Variants in PCLO observed in about 807,000 individuals in gnomAD.
The protein encoded by PCLO is piccolo presynaptic cytomatrix protein.
Under a neutral mutation model 427.5 loss-of-function variants are expected in PCLO, and 82 were observed. The ratio of observed to expected loss-of-function variants is 0.19; its 90% CI spans 0.16 to 0.23. The LOEUF is 0.23. Ranked by LOEUF, PCLO falls within the 10% of genes least tolerant of loss-of-function variation. The probability of loss-of-function intolerance (pLI) is 1.00; values close to 1 mark genes in which losing one functional copy is unlikely to be tolerated. For missense variants in PCLO, 6,239 were observed against 6,115.9 expected (o/e 1.02, Z -0.67); for synonymous variants, 2,357 against 2,155.4 (o/e 1.09, Z -2.59).
chr7:83,029,910 A>G (rs1214286599), intron 3 of PCLO, among the ~76,000 whole-genome samples: 4 of 145,962 alleles, frequency 2.7e-5, no homozygotes, highest in East Asian at 4.1e-4. Flanking sequence ...GAATTGAACA[A>G]TGAGATCACA....
chr7:83,095,612 T>C (rs1790514396), intron 3 of PCLO, among the ~76,000 whole-genome samples: 1 of 151,948 alleles, frequency 6.6e-6, no homozygotes, highest in African/African-American at 2.4e-5. Flanking sequence ...CTCCACAAAT[T>C]TTTATATGTT....
intron 16 of PCLO, among the ~76,000 whole-genome samples, chr7:82,831,093 T>C (rs190136720): frequency 3.3e-5 from 5 of 152,228 alleles, no homozygotes; most frequent in African/African-American, 1.2e-4. Context: ...TCCTTTTTCC[T>C]CTGGTAAAGT....
chr7:83,146,618 C>CA (rs1477894388), intron 2 of PCLO, among the ~76,000 whole-genome samples: 1 of 144,622 alleles, frequency 6.9e-6, no homozygotes, highest in Non-Finnish European at 1.5e-5. Flanking sequence ...TTTTTTGAGA[C>CA]AGAGTTTCAC....
chr7:82,810,901 ACTT>A (rs1454901792), intron 20 of PCLO, among the ~76,000 whole-genome samples: 2 of 151,638 alleles, frequency 1.3e-5, no homozygotes, highest in Non-Finnish European at 3.0e-5. Context: ...CACTTTTACT[ACTT>A]TTATATCACA....
rs570706595 is a variant in PCLO at position 83,158,405 on chromosome 7, ACAGCACATG to A, written c.249-2022_249-2014del. On this transcript the variant is annotated intron_variant, in intron 1 of 24. Coordinates refer to ENST00000333891, the MANE Select transcript of PCLO (RefSeq NM_033026.6). ...TTAATATATTGTACCATTCCCTTGA[ACAGCACATG>A]CTTAGGGCTGATTACAGGTATGGCA... is the stretch of plus-strand genomic sequence containing the variant. 2.7e-3 allele frequency among the ~76,000 whole-genome samples: 408 copies of A among 152,048 alleles called. 1 individual carries two copies. The highest frequency in any genetic ancestry group is 8.7e-3 in the South Asian group (42 of 4,824).
intron 6 of PCLO, among the ~76,000 whole-genome samples, chr7:82,936,868 T>C (rs1190150444): frequency 1.3e-5 from 2 of 151,616 alleles, no homozygotes; most frequent in East Asian, 3.9e-4. Context: ...ACATAGAAAA[T>C]GTTATTTGAA....
At chr7:83,095,098 T>G (rs1332535678) in intron 3 of PCLO, among the ~76,000 whole-genome samples, 1 of 152,132 alleles carries the variant, frequency 6.6e-6, no homozygotes, top group Admixed American at 6.5e-5. Context: ...GACCTGGAAT[T>G]TTTTTGTGGG....
At chr7:82,942,818 A>G (rs953828338) in intron 6 of PCLO, among the ~76,000 whole-genome samples, 6 of 152,236 alleles carry the variant, frequency 3.9e-5, no homozygotes, top group African/African-American at 1.2e-4. Context: ...TAAGAGCTAT[A>G]GAAAGATGAG....
At chr7:82,766,981 G>T (rs2129467732) in intron 22 of PCLO, among the ~76,000 whole-genome samples, 1 of 152,284 alleles carries the variant, frequency 6.6e-6, no homozygotes, top group Non-Finnish European at 1.5e-5. Context: ...TGCGTTAATT[G>T]TGGGTCCATT....
chr7:82,805,824 G>T lies in PCLO; in HGVS notation c.14797C>A (p.Pro4933Thr). Reference sequence around the variant, plus strand: ...CTTTCTGCAGGCCGGTGATTGGGAGGCTTTGCTGCATGGTGTGGGAAGATT... The same window carrying T: ...CTTTCTGCAGGCCGGTGATTGGGAGTCTTTGCTGCATGGTGTGGGAAGATT... Reference protein sequence around the residue: ...VQQLRIQPTKPPNHRPAESSV... With the variant: ...VQQLRIQPTKTPNHRPAESSV... The change falls in exon 21 of 25, where the codon CCT becomes ACT. Residue 4933 changes from proline (P) to threonine (T), a missense_variant. Physicochemically the swap from Pro to Thr is conservative, Grantham distance 38 (BLOSUM62 -1). This residue lies in a region of PCLO where 877 missense variants were observed against 925.5 expected (regional missense o/e 0.95). Transcript: ENST00000333891. 6.2e-7 allele frequency: 1 copy of T among 1,600,362 alleles called. No individual in the cohort carries two copies. The highest frequency in any genetic ancestry group is 1.3e-5 in the African/African-American group (1 of 74,772).
chr7:82,829,623 G>C (rs757157696), intron 16 of PCLO, among the ~76,000 whole-genome samples: 2 of 152,004 alleles, frequency 1.3e-5, no homozygotes, highest in Non-Finnish European at 2.9e-5. Flanking sequence ...TAAAGAAAGA[G>C]GAGCTCTCAT....
At chr7:82,878,280 C>T (rs1793422509) in intron 10 of PCLO, among the ~76,000 whole-genome samples, 1 of 151,958 alleles carries the variant, frequency 6.6e-6, no homozygotes, top group Admixed American at 6.6e-5. Flanking sequence ...ATCAAAATGT[C>T]CAGGGACATT....
intron 3 of PCLO, among the ~76,000 whole-genome samples, chr7:83,100,093 C>T (rs17157155): frequency 0.46 from 69,816 of 151,896 alleles, 16,448 homozygotes; most frequent in East Asian, 0.71. Context: ...ACCTATCTAT[C>T]CAAAAACTGT....
chr7:82,910,963 C>T (rs571826557), intron 7 of PCLO, among the ~76,000 whole-genome samples: 1 of 152,182 alleles, frequency 6.6e-6, no homozygotes, highest in South Asian at 2.1e-4. Context: ...GAAAATAGAA[C>T]AATAATTTAT....
chr7:82,986,972 C>T (rs1583874285), intron 3 of PCLO, among the ~76,000 whole-genome samples: 2 of 151,836 alleles, frequency 1.3e-5, no homozygotes, highest in South Asian at 2.1e-4. Context: ...TTCTTACAAT[C>T]TCTATTAAAC....
At chr7:82,961,100 A>C (rs1795646653) in intron 4 of PCLO, among the ~76,000 whole-genome samples, 1 of 152,204 alleles carries the variant, frequency 6.6e-6, no homozygotes, top group South Asian at 2.1e-4. Flanking sequence ...AGTACTTAAC[A>C]TAGCAGCCAG....
At chr7:82,857,168 C>G (rs1053207078) in intron 10 of PCLO, among the ~76,000 whole-genome samples, 1 of 152,082 alleles carries the variant, frequency 6.6e-6, no homozygotes, top group East Asian at 1.9e-4. Flanking sequence ...TAGCAGAAAA[C>G]AGACTAAAAT....
chr7:82,901,413 C>CA, intron 9 of PCLO, among the ~76,000 whole-genome samples: 1 of 152,016 alleles, frequency 6.6e-6, no homozygotes, highest in South Asian at 2.1e-4. Context: ...ACACCTTATA[C>CA]AAAAATTAAT....
At position 82,845,364 on chromosome 7, in the gene PCLO, A is replaced by T; in HGVS notation, c.13953T>A (p.His4651Gln). Residue 4651 changes from histidine (H) to glutamine (Q), a missense_variant, in exon 13 of 25, where the codon CAT becomes CAA. His to Gln is a conservative substitution (Grantham distance 24, BLOSUM62 0). This residue lies in a region of PCLO where 877 missense variants were observed against 925.5 expected (regional missense o/e 0.95). Coordinates refer to ENST00000333891, the MANE Select transcript of PCLO (RefSeq NM_033026.6). ...SSVVEKGSHVHSGPTSAGSSS... is the reference protein window; with the variant it reads ...SSVVEKGSHVQSGPTSAGSSS... The stretch of plus-strand genomic sequence containing the variant: ...TGGATCCTGCTGATGTAGGACCTGA[A>T]TGAACATGAGATCCTTTTTCAACAA... The T allele has an allele frequency of 1.9e-6, 3 of 1,613,492 alleles. No individual in the cohort carries two copies. Among genetic ancestry groups the T allele is most frequent in the Non-Finnish European group, 2.5e-6 (3 of 1,179,662 alleles).
Sources: allele counts gnomAD v4.1 joint callset (sites outside exome capture counted in the v4.1 genomes callset), GRCh38; gene constraint gnomAD v4.1.1; regional missense constraint gnomAD v4.1.1; transcripts MANE v1.5; gene names NCBI Gene and HGNC (gene_info 2026-07-23, HGNC 2026-07-21).